PTPRN2: variants seen among roughly 807,000 people sequenced by gnomAD.
PTPRN2 encodes protein tyrosine phosphatase receptor type N2, also known as receptor-type tyrosine-protein phosphatase N2.
A neutral mutation model predicts 118.8 loss-of-function variants in PTPRN2; 74 were observed. The ratio of observed to expected loss-of-function variants is 0.62; its 90% CI spans 0.52 to 0.76. The LOEUF is 0.76. Among genes scored for constraint, PTPRN2 ranks in the 30% least tolerant of loss-of-function variants. The probability of loss-of-function intolerance (pLI) is 0.00; values close to 1 mark genes in which losing one functional copy is unlikely to be tolerated. For synonymous variants in PTPRN2, 641 were observed against 608.0 expected (o/e 1.05, Z -0.80); for missense variants, 1,481 against 1,394.4 (o/e 1.06, Z -0.99).
chr7:157,540,877 C>A (rs1797981062), intron 22 of PTPRN2, 92 bp from the exon 23 acceptor site: 8 of 1,042,258 alleles, frequency 7.7e-6, no homozygotes, highest in Non-Finnish European at 1.1e-5. Flanking sequence ...AAAGCGGCGT[C>A]CCCCCTTCCC....
At chr7:158,031,775 A>C (rs1486637424) in intron 11 of PTPRN2, among the ~76,000 whole-genome samples, 1 of 152,242 alleles carries the variant, frequency 6.6e-6, no homozygotes, top group African/African-American at 2.4e-5. Context: ...GTGACAGATA[A>C]AGTCAGAAAA....
intron 12 of PTPRN2, among the ~76,000 whole-genome samples, chr7:157,691,487 C>G (rs1257321285): frequency 6.6e-6 from 1 of 152,206 alleles, no homozygotes; most frequent in Non-Finnish European, 1.5e-5. Flanking sequence ...AGACGAGAGC[C>G]CCTCTGCTCA....
In PTPRN2 at chr7:158,273,708, G is replaced by T. The variant is rs115761237; in HGVS notation, c.277+43111C>A. ...ACAGGGAGCCGCAGACACAGGGGGAGCTGCAGACACAGGAGGAGACACACA... is the reference window on the plus strand; with the variant it reads ...ACAGGGAGCCGCAGACACAGGGGGATCTGCAGACACAGGAGGAGACACACA... On this transcript the variant is annotated intron_variant, in intron 3 of 22. Transcript: ENST00000389418. 8.6e-3 allele frequency among the ~76,000 whole-genome samples: 1,157 copies of T among 134,236 alleles called. 25 individuals carry two copies. The highest frequency in any genetic ancestry group is 0.032 in the African/African-American group (1,097 of 33,908). The allele number at this position is 134,236 out of a possible 152,430, so 88.1% of individuals were successfully genotyped here. A position where few individuals can be genotyped will look rare whatever the true frequency, so the allele number is the denominator to read the frequency against.
intron 11 of PTPRN2, among the ~76,000 whole-genome samples, chr7:157,919,368 T>C (rs1798580144): frequency 6.6e-6 from 1 of 152,264 alleles, no homozygotes; most frequent in Non-Finnish European, 1.5e-5. Flanking sequence ...AATTACAAAA[T>C]AGTTAGAGAA....
intron 8 of PTPRN2, among the ~76,000 whole-genome samples, chr7:158,135,832 G>A (rs17847426): frequency 1.3e-5 from 2 of 152,348 alleles, no homozygotes; most frequent in Admixed American, 6.5e-5. Flanking sequence ...AGAATCTGAG[G>A]AGAGAATGAC....
intron 3 of PTPRN2, among the ~76,000 whole-genome samples, chr7:158,277,655 A>G (rs968392): frequency 0.95 from 145,281 of 152,206 alleles, 69,394 homozygotes; most frequent in African/African-American, 0.99. Context: ...GGGCTGGGAC[A>G]TATAGCTCTG....
intron 1 of PTPRN2, among the ~76,000 whole-genome samples, chr7:158,510,439 G>A (rs1586833182): frequency 9.6e-6 from 1 of 104,346 alleles, no homozygotes; most frequent in East Asian, 2.9e-4. Flanking sequence ...AAGTGTGTGT[G>A]TTTACTCTCT....
intron 6 of PTPRN2, among the ~76,000 whole-genome samples, chr7:158,154,106 G>A (rs1261964953): frequency 3.9e-5 from 6 of 152,226 alleles, no homozygotes; most frequent in African/African-American, 1.2e-4. Flanking sequence ...TGCCAGTGCA[G>A]GTGGGATGAG....
At chr7:157,783,068 A>G (rs1803781095) in intron 12 of PTPRN2, among the ~76,000 whole-genome samples, 2 of 152,178 alleles carry the variant, frequency 1.3e-5, no homozygotes, top group African/African-American at 4.8e-5. Context: ...CGGTTTTATC[A>G]TGGGCTTTTC....
intron 11 of PTPRN2, among the ~76,000 whole-genome samples, chr7:158,034,844 GC>G (rs1297794985): frequency 6.6e-6 from 1 of 152,230 alleles, no homozygotes; most frequent in Non-Finnish European, 1.5e-5. Context: ...AGTAGCAGAG[GC>G]TTCAGCTGCA....
chr7:158,287,512 C>T (rs1327282997), intron 3 of PTPRN2, among the ~76,000 whole-genome samples: 1 of 151,924 alleles, frequency 6.6e-6, no homozygotes, highest in Non-Finnish European at 1.5e-5. Context: ...TTTTGGTATG[C>T]TTTGTTTTTA....
chr7:157,942,027 C>T (rs10278921), intron 11 of PTPRN2, among the ~76,000 whole-genome samples: 2 of 150,680 alleles, frequency 1.3e-5, no homozygotes, highest in Admixed American at 1.3e-4. Context: ...CCTTCGCACA[C>T]GGGGGTCCTC....
intron 11 of PTPRN2, among the ~76,000 whole-genome samples, chr7:158,071,730 GTGGTGGTGGAGGTGCTCA>G (rs1563393143): frequency 3.2e-4 from 34 of 107,354 alleles, no homozygotes; most frequent in African/African-American, 8.8e-4. Flanking sequence ...GGAGGTGCTC[GTGGTGGTGGAGGTGCTCA>G]TGGTGGAGGT....
chr7:157,954,045 T>C (rs146597087), intron 11 of PTPRN2, among the ~76,000 whole-genome samples: 95 of 152,356 alleles, frequency 6.2e-4, no homozygotes, highest in African/African-American at 2.2e-3. Flanking sequence ...TCCAGTTTCC[T>C]GACTAAAAAG....
intron 2 of PTPRN2, among the ~76,000 whole-genome samples, chr7:158,366,709 TTTCAA>T (rs1809556733): frequency 6.6e-6 from 1 of 152,104 alleles, no homozygotes; most frequent in African/African-American, 2.4e-5. Flanking sequence ...CTAAGGACAT[TTTCAA>T]TTTCTGAAAT....
At position 157,585,783 on chromosome 7, in the gene PTPRN2, G is replaced by A. The variant is rs1021269611; in HGVS notation, c.2497-7643C>T. On this transcript the variant is annotated intron_variant, in intron 17 of 22. Transcript: ENST00000389418. The surrounding 1 kb of genome is among the most constrained non-coding windows in gnomAD (Gnocchi z 5.2). ...GGAGTGGGGATGGGAGGAGCTGGCCGGAGGCTGGGAACCAATCACACACAG... is the reference window on the plus strand; with the variant it reads ...GGAGTGGGGATGGGAGGAGCTGGCCAGAGGCTGGGAACCAATCACACACAG... Among the ~76,000 whole-genome samples the A allele has an allele frequency of 2.6e-5, 4 of 152,218 alleles. No homozygotes were observed. Among genetic ancestry groups the A allele is most frequent in the Non-Finnish European group, 4.4e-5 (3 of 68,038 alleles).
At chr7:157,807,337 C>A (rs1221982620) in intron 12 of PTPRN2, among the ~76,000 whole-genome samples, 1 of 152,174 alleles carries the variant, frequency 6.6e-6, no homozygotes, top group African/African-American at 2.4e-5. Flanking sequence ...CACAAGACGG[C>A]TGCTTGGAGA....
chr7:157,682,715 C>G lies in PTPRN2; in HGVS notation c.2001+10G>C. On this transcript the variant is annotated intron_variant, in intron 13 of 22. Coordinates refer to ENST00000389418, the MANE Select transcript of PTPRN2 (RefSeq NM_002847.5). ...TCCGATATACCACTTTTTAAAAAGT[C>G]TCCTCTTACCTGGTAGGCGGCAGTG... 4 of 1,609,102 alleles carry G rather than the reference C, an allele frequency of 2.5e-6. No homozygotes were observed. The African/African-American group carries it at 4.0e-5, about 16-fold the overall frequency.
At chr7:158,173,946 A>G (rs193127478) in intron 5 of PTPRN2, among the ~76,000 whole-genome samples, 39 of 152,264 alleles carry the variant, frequency 2.6e-4, no homozygotes, top group Non-Finnish European at 5.4e-4. Flanking sequence ...CTGATTTCAT[A>G]TTGTTCAAAC....
Sources: allele counts gnomAD v4.1 joint callset (sites outside exome capture counted in the v4.1 genomes callset), GRCh38; gene constraint gnomAD v4.1.1; non-coding constraint Gnocchi (gnomAD v3.1); transcripts MANE v1.5; gene names NCBI Gene and HGNC (gene_info 2026-07-23, HGNC 2026-07-21).